ERBB4: variants seen among roughly 807,000 people sequenced by gnomAD.
ERBB4 encodes erb-b2 receptor tyrosine kinase 4.
A neutral mutation model predicts 158.0 loss-of-function variants in ERBB4; 42 were observed. The ratio of observed to expected loss-of-function variants is 0.27; its 90% CI spans 0.21 to 0.34. The LOEUF (loss-of-function observed/expected upper bound fraction) is 0.34, where lower values mean the gene tolerates loss of function less well. Among genes scored for constraint, ERBB4 ranks in the 10% least tolerant of loss-of-function variants. The pLI is 1.00. For synonymous variants in ERBB4, 583 were observed against 558.7 expected, an observed-to-expected ratio of 1.04 and a Z score of -0.61; for missense variants, 1,333 against 1,624.1, an observed-to-expected ratio of 0.82 and a Z score of 3.08.
At chr2:211,538,616 G>A (rs2066717623) in intron 20 of ERBB4, among the ~76,000 whole-genome samples, 2 of 151,826 alleles carry the variant, frequency 1.3e-5, no homozygotes, top group African/African-American at 4.8e-5. Context: ...GTATAATGCT[G>A]TATGTGCAAT....
chr2:211,410,022 C>G (rs1385758218), intron 25 of ERBB4, among the ~76,000 whole-genome samples: 1 of 152,058 alleles, frequency 6.6e-6, no homozygotes. Flanking sequence ...AGGCCAAGGA[C>G]AAACCACACT....
chr2:211,578,030 A>G (rs141568737), intron 19 of ERBB4, among the ~76,000 whole-genome samples: 2 of 152,066 alleles, frequency 1.3e-5, no homozygotes, highest in South Asian at 2.1e-4. Flanking sequence ...TCTGTAGATA[A>G]TATGATCCCA....
intron 2 of ERBB4, among the ~76,000 whole-genome samples, chr2:211,980,147 T>C (rs2081748333): frequency 6.6e-6 from 1 of 152,118 alleles, no homozygotes; most frequent in Non-Finnish European, 1.5e-5. Flanking sequence ...TGAATAAAAA[T>C]AGAATTGAGG....
chr2:212,245,722 C>T (rs1171455047), intron 1 of ERBB4, among the ~76,000 whole-genome samples: 3 of 152,080 alleles, frequency 2.0e-5, no homozygotes, highest in Non-Finnish European at 4.4e-5. Context: ...ATGTTCCTAT[C>T]CAGAGAGAAA....
intron 2 of ERBB4, among the ~76,000 whole-genome samples, chr2:212,048,908 C>A (rs2077328388): frequency 6.6e-6 from 1 of 152,130 alleles, no homozygotes; most frequent in Admixed American, 6.6e-5. Flanking sequence ...AGTCCTACAA[C>A]CTCAAGGAGT....
chr2:212,444,979 C>T (rs991007420), intron 1 of ERBB4, among the ~76,000 whole-genome samples: 46 of 151,584 alleles, frequency 3.0e-4, no homozygotes, highest in African/African-American at 9.7e-4. Flanking sequence ...TCTGTGGACT[C>T]GCAGAATGCC....
At chr2:211,867,351 T>C (rs552317553) in intron 3 of ERBB4, among the ~76,000 whole-genome samples, 5 of 152,296 alleles carry the variant, frequency 3.3e-5, no homozygotes, top group Admixed American at 6.5e-5. Context: ...TTTGCAAGAA[T>C]TGAAAATTTC....
intron 1 of ERBB4, among the ~76,000 whole-genome samples, chr2:212,396,503 G>A (rs759764688): frequency 3.3e-5 from 5 of 152,036 alleles, no homozygotes; most frequent in Non-Finnish European, 7.4e-5. Context: ...CTATGATATA[G>A]AATTACTGTG....
chr2:212,005,033 T>C (rs116165387), intron 2 of ERBB4, among the ~76,000 whole-genome samples: 3,331 of 152,290 alleles, frequency 0.022, 55 homozygotes, highest in Middle Eastern at 0.044. Flanking sequence ...ATATTAGCTA[T>C]ATGATTGAAT....
chr2:211,907,181 C>G (rs2079417868), intron 3 of ERBB4, among the ~76,000 whole-genome samples: 1 of 151,596 alleles, frequency 6.6e-6, no homozygotes, highest in Non-Finnish European at 1.5e-5. Flanking sequence ...AATATAATAT[C>G]TAAGAAAAAT....
chr2:212,437,937 T>C (rs554533055), intron 1 of ERBB4, among the ~76,000 whole-genome samples: 95 of 152,228 alleles, frequency 6.2e-4, no homozygotes, highest in African/African-American at 2.2e-3. Context: ...ACTCTCTGGT[T>C]CCTCACAGTA....
intron 2 of ERBB4, among the ~76,000 whole-genome samples, chr2:212,094,107 A>C (rs2078858375): frequency 1.3e-5 from 2 of 152,144 alleles, no homozygotes; most frequent in South Asian, 4.1e-4. Context: ...CTCATGTTGA[A>C]ATGCAGTCCC....
intron 7 of ERBB4, among the ~76,000 whole-genome samples, chr2:211,716,827 A>G (rs1032771888): frequency 6.6e-6 from 1 of 152,228 alleles, no homozygotes; most frequent in African/African-American, 2.4e-5. Context: ...TTTTTCATAG[A>G]CAAATACTGA....
At chr2:212,313,460 A>G (rs780444714) in intron 1 of ERBB4, among the ~76,000 whole-genome samples, 4 of 150,916 alleles carry the variant, frequency 2.7e-5, no homozygotes, top group Non-Finnish European at 5.9e-5. Flanking sequence ...TGGTATATAT[A>G]TATAACTAAC....
chr2:211,748,120 T>C (rs2075027691), intron 5 of ERBB4, among the ~76,000 whole-genome samples: 1 of 151,926 alleles, frequency 6.6e-6, no homozygotes, highest in African/African-American at 2.4e-5. Flanking sequence ...GATCTGCAGT[T>C]GGTTGAATTT....
At chr2:211,678,134 T>A (rs917949709) in intron 13 of ERBB4, among the ~76,000 whole-genome samples, 4 of 152,026 alleles carry the variant, frequency 2.6e-5, no homozygotes, top group African/African-American at 7.2e-5. Flanking sequence ...ATACTTAATT[T>A]AAAATACTGC....
intron 1 of ERBB4, among the ~76,000 whole-genome samples, chr2:212,434,730 G>C (rs936156762): frequency 1.3e-5 from 2 of 151,946 alleles, no homozygotes; most frequent in African/African-American, 2.4e-5. Context: ...CACTTCTTTT[G>C]TAATCTTATA....
chr2:211,557,691 C>T (rs2067274333), intron 20 of ERBB4, among the ~76,000 whole-genome samples: 1 of 152,070 alleles, frequency 6.6e-6, no homozygotes, highest in Non-Finnish European at 1.5e-5. Flanking sequence ...AGTTCAACCA[C>T]TATGGAAAGC....
intron 5 of ERBB4, among the ~76,000 whole-genome samples, chr2:211,730,191 A>G (rs942652674): frequency 6.6e-6 from 1 of 151,954 alleles, no homozygotes; most frequent in African/African-American, 2.4e-5. Context: ...GATAACCAAT[A>G]CTGTGATTAA....
Sources: allele counts gnomAD v4.1 joint callset (sites outside exome capture counted in the v4.1 genomes callset), GRCh38; gene constraint gnomAD v4.1.1; transcripts MANE v1.5; gene names NCBI Gene and HGNC (gene_info 2026-07-23, HGNC 2026-07-21).